NAALADL2: variants seen among roughly 807,000 people sequenced by gnomAD.
The protein encoded by NAALADL2 is N-acetylated alpha-linked acidic dipeptidase like 2, also known as inactive N-acetylated-alpha-linked acidic dipeptidase-like protein 2.
In NAALADL2, 76 loss-of-function variants were observed where a neutral mutation model predicts 87.2. That is an observed-to-expected ratio of 0.87 (90% CI 0.72 to 1.05). The LOEUF is 1.05. Ranked by LOEUF, NAALADL2 falls within the 50% of genes least tolerant of loss-of-function variation. The pLI is 0.00. For missense variants in NAALADL2, 1,089 were observed against 945.8 expected (o/e 1.15, Z -1.99); for synonymous variants, 354 against 331.0 (o/e 1.07, Z -0.75).
chr3:174,745,812 A>G (rs1734199459), intron 3 of NAALADL2, among the ~76,000 whole-genome samples: 1 of 152,218 alleles, frequency 6.6e-6, no homozygotes, highest in Admixed American at 6.5e-5. Flanking sequence ...AATGTAAGTC[A>G]TCACATAAAC....
chr3:175,021,383 A>T (rs1751542355), intron 1 of NAALADL2, among the ~76,000 whole-genome samples: 1 of 152,100 alleles, frequency 6.6e-6, no homozygotes, highest in African/African-American at 2.4e-5. Context: ...TTTATAAACC[A>T]ACACAGTGCC....
intron 3 of NAALADL2, among the ~76,000 whole-genome samples, chr3:174,842,843 ATTTAC>A (rs1044368241): frequency 1.7e-4 from 26 of 151,974 alleles, no homozygotes; most frequent in African/African-American, 6.3e-4. Context: ...TCCTTGGCTT[ATTTAC>A]TTAATAAAAC....
chr3:174,878,899 C>T (rs1392597884), intron 1 of NAALADL2, among the ~76,000 whole-genome samples: 6 of 152,000 alleles, frequency 3.9e-5, no homozygotes, highest in Admixed American at 3.9e-4. Context: ...AGAAGAGGAC[C>T]CAATATGCCG....
rs542362422 is a variant in NAALADL2, at chr3:175,682,919, C to A, written c.1897-54387C>A. Among the ~76,000 whole-genome samples the A allele has an allele frequency of 1.3e-4, 20 of 151,930 alleles. No individual in the cohort carries two copies. In the East Asian group the frequency reaches 3.1e-3, roughly 24 times the overall value. ...AACTGTATAAAATGAAAATGTCATA[C>A]CCTTGGGGAAACATATAACAAAATT... On this transcript the variant is annotated intron_variant, in intron 11 of 13. Transcript: ENST00000454872.
chr3:174,687,189 A>G (rs1728127037), intron 2 of NAALADL2, among the ~76,000 whole-genome samples: 1 of 152,096 alleles, frequency 6.6e-6, no homozygotes, highest in African/African-American at 2.4e-5. Context: ...CTGATCCTAG[A>G]TATCACTGGA....
intron 2 of NAALADL2, among the ~76,000 whole-genome samples, chr3:174,704,716 T>C (rs79933875): frequency 6.6e-6 from 1 of 152,024 alleles, no homozygotes; most frequent in Non-Finnish European, 1.5e-5. Flanking sequence ...TCCCAAGGTA[T>C]GGGAAAATAT....
chr3:175,663,640 GTAAAA>G (rs1337707499), intron 11 of NAALADL2, among the ~76,000 whole-genome samples: 2 of 151,672 alleles, frequency 1.3e-5, no homozygotes, highest in Non-Finnish European at 3.0e-5. Context: ...CAAGATTAAA[GTAAAA>G]TATGTCTTTA....
At chr3:175,538,891 G>A (rs984659244) in intron 9 of NAALADL2, among the ~76,000 whole-genome samples, 2 of 152,124 alleles carry the variant, frequency 1.3e-5, no homozygotes, top group African/African-American at 4.8e-5. Flanking sequence ...CACAGCTCAA[G>A]GACAGATTTA....
chr3:174,671,263 G>C (rs1726506859), intron 2 of NAALADL2, among the ~76,000 whole-genome samples: 2 of 152,020 alleles, frequency 1.3e-5, no homozygotes, highest in Admixed American at 6.6e-5. Flanking sequence ...ACACTTATGA[G>C]GTAGTTTATT....
intron 2 of NAALADL2, among the ~76,000 whole-genome samples, chr3:174,728,687 G>C (rs913051705): frequency 1.3e-5 from 2 of 151,952 alleles, no homozygotes; most frequent in African/African-American, 4.8e-5. Flanking sequence ...TAAGCCTAAA[G>C]TTTAACTTGC....
At chr3:175,271,626 T>A (rs1429698697) in intron 4 of NAALADL2, among the ~76,000 whole-genome samples, 2 of 152,082 alleles carry the variant, frequency 1.3e-5, no homozygotes, top group Non-Finnish European at 2.9e-5. Context: ...ACCCCATTTC[T>A]ACTAAAAATA....
At chr3:174,866,818 T>A (rs894406377) in intron 1 of NAALADL2, among the ~76,000 whole-genome samples, 1 of 151,742 alleles carries the variant, frequency 6.6e-6, no homozygotes, top group Non-Finnish European at 1.5e-5. Context: ...AAGAAAAAAA[T>A]TACTAAGAAA....
chr3:175,021,008 C>T (rs147736475), intron 1 of NAALADL2, among the ~76,000 whole-genome samples: 1 of 152,134 alleles, frequency 6.6e-6, no homozygotes, highest in African/African-American at 2.4e-5. Context: ...GACTACAGAA[C>T]ATAAAACATG....
At chr3:174,622,922 A>G (rs1261520464) in intron 2 of NAALADL2, among the ~76,000 whole-genome samples, 1 of 152,182 alleles carries the variant, frequency 6.6e-6, no homozygotes, top group Non-Finnish European at 1.5e-5. Context: ...AGGCACCTAT[A>G]GTCCCAGCAA....
chr3:175,805,371 A>G lies in NAALADL2; in HGVS notation c.*2168A>G, dbSNP rs1199359902. 6 of 151,874 alleles carry G rather than the reference A, an allele frequency of 4.0e-5. No individual in the cohort carries two copies. The highest frequency in any genetic ancestry group is 1.4e-4 in the African/African-American group (6 of 41,382). 9.4% of individuals were successfully genotyped at this position (151,874 alleles called of 1,614,324 possible). On this transcript the variant is annotated 3_prime_UTR_variant, in exon 14 of 14. Coordinates refer to ENST00000454872, the MANE Select transcript of NAALADL2 (RefSeq NM_207015.3). ...CTTCTTCTGTATTCCTCACCTCTAA[A>G]TTATATGTTATTTGCTATTTGAAAA...
intron 10 of NAALADL2, among the ~76,000 whole-genome samples, chr3:175,590,076 G>A (rs1721174557): frequency 6.6e-6 from 1 of 152,000 alleles, no homozygotes; most frequent in Non-Finnish European, 1.5e-5. Flanking sequence ...GCCGGGCGTG[G>A]TGGCGGGCGA....
intron 2 of NAALADL2, among the ~76,000 whole-genome samples, chr3:174,723,580 C>T (rs994743500): frequency 6.6e-6 from 1 of 151,636 alleles, no homozygotes; most frequent in Non-Finnish European, 1.5e-5. Context: ...ATGGTGAAAC[C>T]CCATCTCTGC....
intron 5 of NAALADL2, among the ~76,000 whole-genome samples, chr3:175,349,122 C>G (rs1440469830): frequency 6.6e-6 from 1 of 150,880 alleles, no homozygotes; most frequent in African/African-American, 2.4e-5. Flanking sequence ...AAACATGGCC[C>G]CCACCATCAG....
intron 5 of NAALADL2, among the ~76,000 whole-genome samples, chr3:175,353,419 C>A (rs1246124752): frequency 6.6e-6 from 1 of 152,008 alleles, no homozygotes; most frequent in Non-Finnish European, 1.5e-5. Flanking sequence ...TTCTCTCATC[C>A]CAAAATTATT....
Sources: gnomAD v4.1 joint callset for allele counts (sites outside exome capture counted in the v4.1 genomes callset) on GRCh38, gnomAD v4.1.1 for gene constraint, MANE v1.5 for transcripts, NCBI Gene and HGNC (gene_info 2026-07-23, HGNC 2026-07-21) for gene names.